The following RBMXL3 variants were observed in gnomAD, a reference collection of about 807,000 sequenced individuals.
RBMXL3 encodes the protein RNA-binding motif protein, X-linked-like-3.
Under a neutral mutation model 0.8 loss-of-function variants are expected in RBMXL3, and 2 were observed. That is an observed-to-expected ratio of 2.54 (90% CI 1.04 to 8.00). RBMXL3 has a LOEUF of 8.00. Ranked by LOEUF, RBMXL3 falls within the 30% of genes most tolerant of loss-of-function variation. The pLI is 0.04. For missense variants in RBMXL3, 1,127 were observed against 1,068.0 expected, an observed-to-expected ratio of 1.06 and a Z score of -0.77; for synonymous variants, 447 against 449.8, an observed-to-expected ratio of 0.99 and a Z score of 0.08.
In RBMXL3 at chrX:115,190,748, G is replaced by A; in HGVS notation, c.1307G>A (p.Gly436Glu). The A allele has an allele frequency of 2.6e-6, 3 of 1,166,081 alleles. 1 individual carries two copies. The South Asian group carries it at 5.7e-5, about 22-fold the overall frequency. The change falls in exon 1 of 1, where the codon GGG (glycine) becomes GAG (glutamate). Residue 436 changes from glycine to glutamate, a missense_variant. Coordinates refer to ENST00000424776, the MANE Select transcript of RBMXL3 (RefSeq NM_001145346.2). ...GGCCGCTCACACGAGGCCCGCAGCG[G>A]GGGCCGCTCCACTGATGCCCACAGC... ...YRGRSHEARSGGRSTDAHSRG... is the reference protein window; with the variant it reads ...YRGRSHEARSEGRSTDAHSRG...
At position 115,190,363 on chromosome X, in the gene RBMXL3, G is replaced by A. The variant is rs1410362407; in HGVS notation, c.922G>A (p.Gly308Arg). ...CTACCGAGAGCCCCTCAAGAGCTACGGAGGCCCATGCGGCGCTGCCCCTGT... is the reference window on the plus strand; with the variant it reads ...CTACCGAGAGCCCCTCAAGAGCTACAGAGGCCCATGCGGCGCTGCCCCTGT... ...GSYREPLKSYGGPCGAAPVWG... is the reference protein window; with the variant it reads ...GSYREPLKSYRGPCGAAPVWG... Residue 308 changes from glycine (G) to arginine (R), a missense_variant, in exon 1 of 1, where the codon GGA becomes AGA. Gly to Arg is a moderately radical substitution (Grantham distance 125). Transcript: ENST00000424776. The A allele has an allele frequency of 6.9e-6, 8 of 1,162,284 alleles. No individual in the cohort carries two copies. The highest frequency in any genetic ancestry group is 3.6e-5 in the African/African-American group (2 of 56,255).
chrX:115,191,508 C>T lies in RBMXL3; in HGVS notation c.2067C>T (p.Tyr689=), dbSNP rs782808851. ...GTGGAGGCCGCTCGCCTGATGCCTA[C>T]AGTGGGGGCCACGACAGTTCCAGCC... ...ANSGGRSPDA[Y]SGGHDSSSQS... The change falls in exon 1 of 1, where the codon TAC becomes TAT. Residue 689 remains tyrosine (Y), a synonymous_variant. Transcript: ENST00000424776. 3.5e-5 allele frequency: 40 copies of T among 1,154,245 alleles called. No homozygotes were observed. In the South Asian group the frequency reaches 6.2e-4, roughly 18 times the overall value.
Position 115,191,723 on chromosome X carries a change from G to C in RBMXL3, c.2282G>C (p.Ser761Thr), listed in dbSNP as rs1041717201. The C allele has an allele frequency of 3.8e-5, 44 of 1,163,397 alleles. No homozygotes were observed. Among genetic ancestry groups the C allele is most frequent in the Non-Finnish European group, 4.8e-5 (42 of 872,076 alleles). Residue 761 changes from serine to threonine, a missense_variant, in exon 1 of 1, where the codon AGT becomes ACT. Coordinates refer to ENST00000424776, the MANE Select transcript of RBMXL3 (RefSeq NM_001145346.2). ...AGTGGCCGCTTGCCTGACGCCTACA[G>C]TGGGGGCCATGACAGTTCCAGCCGG... The part of the protein sequence containing the change: ...NSSGRLPDAY[S>T]GGHDSSSRSH...
At position 115,189,708 on chromosome X, in the gene RBMXL3, C is replaced by T; in HGVS notation, c.267C>T (p.Phe89=). Residue 89 remains phenylalanine (F), a synonymous_variant, in exon 1 of 1, where the codon TTC becomes TTT. Transcript: ENST00000424776. ...IMVAQTIKPA[F]KSSRWVPPTP... ...TGGCCCAGACCATCAAACCGGCATT[C>T]AAGAGCAGCCGATGGGTCCCGCCAA... is the stretch of plus-strand genomic sequence containing the variant. 3 of 1,167,704 alleles carry T rather than the reference C, an allele frequency of 2.6e-6. No homozygotes were observed. The highest frequency in any genetic ancestry group is 3.3e-5 in the East Asian group (1 of 30,767).
At position 115,191,685 on chromosome X, in the gene RBMXL3, C is replaced by T. The variant is rs943775900; in HGVS notation, c.2244C>T (p.Leu748=). 23 of 1,159,336 alleles carry T rather than the reference C, an allele frequency of 2.0e-5. No individual in the cohort carries two copies. The highest frequency in any genetic ancestry group is 1.3e-4 in the African/African-American group (7 of 53,176). Residue 748 remains leucine (L), a synonymous_variant, in exon 1 of 1, where the codon CTC becomes CTT. Transcript: ENST00000424776. ...SDHYGGGGRS[L]DANSSGRLPD... ...ACTATGGAGGAGGAGGTCGCTCACT[C>T]GATGCCAACAGCAGTGGCCGCTTGC...
chrX:115,190,522 C>T lies in RBMXL3; in HGVS notation c.1081C>T (p.His361Tyr). ...VVLPDAYSRD[H>Y]SPKAYSGGRS... Reference sequence around the variant, plus strand: ...CTTGCCAGACGCCTACAGCAGGGACCACTCGCCCAAAGCCTATAGTGGGGG... The same window carrying T: ...CTTGCCAGACGCCTACAGCAGGGACTACTCGCCCAAAGCCTATAGTGGGGG... The change falls in exon 1 of 1, where the codon CAC becomes TAC. Residue 361 changes from histidine to tyrosine, a missense_variant. By Grantham distance (83) the His-to-Tyr change is moderately conservative. Coordinates refer to ENST00000424776, the MANE Select transcript of RBMXL3 (RefSeq NM_001145346.2). The T allele has an allele frequency of 8.6e-7, 1 of 1,167,593 alleles. No individual in the cohort carries two copies. Among genetic ancestry groups the T allele is most frequent in the Non-Finnish European group, 1.1e-6 (1 of 873,084 alleles).
chrX:115,192,866 A>T lies in RBMXL3; in HGVS notation c.*221A>T. On this transcript the variant is annotated 3_prime_UTR_variant, in exon 1 of 1. Coordinates refer to ENST00000424776, the MANE Select transcript of RBMXL3 (RefSeq NM_001145346.2). ...CAAGTTCTTGTTAAAAGTATAAGAT[A>T]TGAACCTGAGTCTTAGTCTTCTTCT... The T allele has an allele frequency of 5.0e-6, 2 of 399,143 alleles. No individual in the cohort carries two copies. The allele number at this position is 399,143 out of a possible 1,213,427, so 32.9% of individuals were successfully genotyped here. A position where few individuals can be genotyped will look rare whatever the true frequency, so the allele number is the denominator to read the frequency against.
chrX:115,190,209 CAG>C lies in RBMXL3; in HGVS notation c.772_773del (p.Asp258LeufsTer32), dbSNP rs2072778288. On this transcript the variant is annotated frameshift_variant, in exon 1 of 1. Transcript: ENST00000424776. LOFTEE classifies it low-confidence loss of function (END_TRUNC). ...RDPGDFVPAL[R>X]DYSRRYYGHS... ...ACCCTGGGGATTTTGTCCCTGCGCT[CAG>C]AGACTACAGCCGCCGCTATTATGGC... is the stretch of plus-strand genomic sequence containing the variant. 1 of 1,165,166 alleles carries C rather than the reference CAG, an allele frequency of 8.6e-7. No homozygotes were observed. The highest frequency in any genetic ancestry group is 1.8e-5 in the African/African-American group (1 of 56,108).
chrX:115,191,912 ACT>A lies in RBMXL3; in HGVS notation c.2477_2478del (p.Leu826ArgfsTer17). 3 of 1,136,529 alleles carry A rather than the reference ACT, an allele frequency of 2.6e-6. No homozygotes were observed. The highest frequency in any genetic ancestry group is 2.1e-5 in the African/African-American group (1 of 48,422). The allele number at this position is 1,136,529 out of a possible 1,213,427, so 93.7% of individuals were successfully genotyped here. ...GGCCGCTACGAGGAGAACCGAGGTC[ACT>A]CTCTCGATGCCAACAGCGGAGGCCA... On this transcript the variant is annotated frameshift_variant, in exon 1 of 1. Coordinates refer to ENST00000424776, the MANE Select transcript of RBMXL3 (RefSeq NM_001145346.2). LOFTEE classifies it low-confidence loss of function (END_TRUNC).
In RBMXL3 at chrX:115,189,803, C is replaced by T. The variant is rs891360915; in HGVS notation, c.362C>T (p.Pro121Leu). 7.3e-5 allele frequency: 85 copies of T among 1,166,293 alleles called. No homozygotes were observed. Among genetic ancestry groups the T allele is most frequent in the African/African-American group, 1.6e-4 (9 of 56,157 alleles). ...GGGGGTGGCAGCAGCCCACAGCGAC[C>T]CCCCTCTCAGGGCAGGCCTGATGAC... ...TRGGGSSPQR[P>L]PSQGRPDDGR... The change falls in exon 1 of 1, where the codon CCC (proline) becomes CTC (leucine). Residue 121 changes from proline to leucine, a missense_variant. Transcript: ENST00000424776.
Position 115,189,749 on chromosome X carries a change from G to A in RBMXL3, c.308G>A (p.Ser103Asn). 1 of 1,166,501 alleles carries A rather than the reference G, an allele frequency of 8.6e-7. No individual in the cohort carries two copies. The highest frequency in any genetic ancestry group is 1.1e-6 in the Non-Finnish European group (1 of 872,226). The change falls in exon 1 of 1, where the codon AGT (serine) becomes AAT (asparagine). Residue 103 changes from serine to asparagine, a missense_variant. Coordinates refer to ENST00000424776, the MANE Select transcript of RBMXL3 (RefSeq NM_001145346.2). Reference protein sequence around the residue: ...RWVPPTPGSGSRSRFSHRTRG... With the variant: ...RWVPPTPGSGNRSRFSHRTRG... Reference sequence around the variant, plus strand: ...GTCCCGCCAACCCCCGGCAGCGGCAGTCGCTCAAGGTTCTCACACAGAACC... The same window carrying A: ...GTCCCGCCAACCCCCGGCAGCGGCAATCGCTCAAGGTTCTCACACAGAACC...
At position 115,191,652 on chromosome X, in the gene RBMXL3, G is replaced by C; in HGVS notation, c.2211G>C (p.Gln737His). 1 of 1,158,687 alleles carries C rather than the reference G, an allele frequency of 8.6e-7. No individual in the cohort carries two copies. The highest frequency in any genetic ancestry group is 2.6e-5 in the Admixed American group (1 of 38,049). The part of the protein sequence containing the change: ...TYSRGHDSSS[Q>H]SDHYGGGGRS... Reference sequence around the variant, plus strand: ...GCCGGGGCCACGACAGTTCCAGCCAGAGCGACCACTATGGAGGAGGAGGTC... The same window carrying C: ...GCCGGGGCCACGACAGTTCCAGCCACAGCGACCACTATGGAGGAGGAGGTC... Residue 737 changes from glutamine to histidine, a missense_variant, in exon 1 of 1, where the codon CAG becomes CAC. Coordinates refer to ENST00000424776, the MANE Select transcript of RBMXL3 (RefSeq NM_001145346.2).
rs1274032083 is a variant in RBMXL3 at position 115,190,609 on chromosome X, G to A, written c.1168G>A (p.Glu390Lys). The A allele has an allele frequency of 4.4e-5, 51 of 1,158,655 alleles. No individual in the cohort carries two copies. The highest frequency in any genetic ancestry group is 5.7e-5 in the South Asian group (3 of 52,342). The change falls in exon 1 of 1, where the codon GAG (glutamate) becomes AAG (lysine). Residue 390 changes from glutamate (E) to lysine (K), a missense_variant. Glu to Lys is a moderately conservative substitution (Grantham distance 56). Transcript: ENST00000424776. ...SDRYGEEGCY[E>K]EYRGRSPDAH... ...CCGCTACGGAGAAGAAGGCTGCTAC[G>A]AGGAGTACAGAGGCCGCTCGCCCGA...
At position 115,189,841 on chromosome X, in the gene RBMXL3, G is replaced by C; in HGVS notation, c.400G>C (p.Ala134Pro). ...CAGGCCTGATGACGGCCGCGGCTAC[G>C]CGGGGTATTTCGACCTGTGGCCCTA... ...QGRPDDGRGY[A>P]GYFDLWPYRA... The change falls in exon 1 of 1, where the codon GCG becomes CCG. Residue 134 changes from alanine (A) to proline (P), a missense_variant. Coordinates refer to ENST00000424776, the MANE Select transcript of RBMXL3 (RefSeq NM_001145346.2). The C allele has an allele frequency of 8.6e-7, 1 of 1,167,220 alleles. No homozygotes were observed. Among genetic ancestry groups the C allele is most frequent in the East Asian group, 3.3e-5 (1 of 30,757 alleles).
Position 115,191,191 on chromosome X carries a change from C to A in RBMXL3, c.1750C>A (p.Arg584Ser), listed in dbSNP as rs183677619. 7.8e-6 allele frequency: 9 copies of A among 1,155,094 alleles called. No homozygotes were observed. The highest frequency in any genetic ancestry group is 2.7e-5 in the Admixed American group (1 of 37,243). ...CCACGACAGTTCCAGCCAGAGCAAC[C>A]GCTACGGAGGAGGAGGCTGCTACGA... Reference protein sequence around the residue: ...GGHDSSSQSNRYGGGGCYEEY... With the variant: ...GGHDSSSQSNSYGGGGCYEEY... The change falls in exon 1 of 1, where the codon CGC becomes AGC. Residue 584 changes from arginine to serine, a missense_variant. Coordinates refer to ENST00000424776, the MANE Select transcript of RBMXL3 (RefSeq NM_001145346.2).
chrX:115,191,928 C>A lies in RBMXL3; in HGVS notation c.2487C>A (p.Asn829Lys). 1 of 1,166,941 alleles carries A rather than the reference C, an allele frequency of 8.6e-7. No individual in the cohort carries two copies. The highest frequency in any genetic ancestry group is 1.1e-6 in the Non-Finnish European group (1 of 872,846). Residue 829 changes from asparagine (N) to lysine (K), a missense_variant, in exon 1 of 1, where the codon AAC (asparagine) becomes AAA (lysine). Physicochemically the swap from Asn to Lys is moderately conservative, Grantham distance 94 (BLOSUM62 0). Coordinates refer to ENST00000424776, the MANE Select transcript of RBMXL3 (RefSeq NM_001145346.2). Reference sequence around the variant, plus strand: ...ACCGAGGTCACTCTCTCGATGCCAACAGCGGAGGCCACTCACCCAACGCCT... The same window carrying A: ...ACCGAGGTCACTCTCTCGATGCCAAAAGCGGAGGCCACTCACCCAACGCCT... ...EENRGHSLDA[N>K]SGGHSPNAYS...
chrX:115,192,635 G>C lies in RBMXL3; in HGVS notation c.3194G>C (p.Ser1065Thr). Residue 1065 changes from serine (S) to threonine (T), a missense_variant, in exon 1 of 1, where the codon AGC becomes ACC. Ser to Thr is a moderately conservative substitution (Grantham distance 58, BLOSUM62 1). Coordinates refer to ENST00000424776, the MANE Select transcript of RBMXL3 (RefSeq NM_001145346.2). ...GGRFERGEGRSRY is the reference protein window; with the variant it reads ...GGRFERGEGRTRY ...CGCTTCGAGAGGGGGGAAGGCCGGA[G>C]CAGATACTAAGCAGGAACAGACTTG... 2 of 1,169,321 alleles carry C rather than the reference G, an allele frequency of 1.7e-6. No homozygotes were observed. The highest frequency in any genetic ancestry group is 2.3e-6 in the Non-Finnish European group (2 of 873,803).
At position 115,190,994 on chromosome X, in the gene RBMXL3, TG is replaced by T. The variant is rs782372816; in HGVS notation, c.1555del (p.Asp519MetfsTer455). 7 of 1,146,196 alleles carry T rather than the reference TG, an allele frequency of 6.1e-6. No homozygotes were observed. In the African/African-American group the frequency reaches 1.4e-4, roughly 24 times the overall value. 94.5% of individuals were successfully genotyped at this position (1,146,196 alleles called of 1,213,427 possible). On this transcript the variant is annotated frameshift_variant, in exon 1 of 1. Coordinates refer to ENST00000424776, the MANE Select transcript of RBMXL3 (RefSeq NM_001145346.2). LOFTEE classifies it low-confidence loss of function (END_TRUNC). ...GHYEENRGHS[L>X]DANSGGRSPD... ...TATGAGGAGAACCGAGGCCACTCTC[TG>T]GATGCCAACAGCGGAGGCCGTTCAC...
Position 115,191,021 on chromosome X carries a change from C to T in RBMXL3, c.1580C>T (p.Pro527Leu). 8.6e-7 allele frequency: 1 copy of T among 1,163,945 alleles called. No individual in the cohort carries two copies. Among genetic ancestry groups the T allele is most frequent in the Non-Finnish European group, 1.1e-6 (1 of 872,161 alleles). Residue 527 changes from proline to leucine, a missense_variant, in exon 1 of 1, where the codon CCC becomes CTC. Coordinates refer to ENST00000424776, the MANE Select transcript of RBMXL3 (RefSeq NM_001145346.2). Reference protein sequence around the residue: ...SLDANSGGRSPDTHSGGHSSS... With the variant: ...SLDANSGGRSLDTHSGGHSSS... ...GATGCCAACAGCGGAGGCCGTTCAC[C>T]CGACACCCACAGTGGGGGCCACAGC... is the stretch of plus-strand genomic sequence containing the variant.
Sources: allele counts gnomAD v4.1 joint callset, GRCh38; gene constraint gnomAD v4.1.1; transcripts MANE v1.5; gene names NCBI Gene and HGNC (gene_info 2026-07-23, HGNC 2026-07-21).